FAM149A: variants seen among roughly 807,000 people sequenced by gnomAD.
FAM149A encodes the protein family with sequence similarity 149 member A.
Under a neutral mutation model 78.2 loss-of-function variants are expected in FAM149A, and 71 were observed. The ratio of observed to expected loss-of-function variants is 0.91; its 90% CI spans 0.75 to 1.11. The LOEUF is 1.11. Among genes scored for constraint, FAM149A ranks in the 50% least tolerant of loss-of-function variants. FAM149A has a pLI of 0.00. For missense variants in FAM149A, 1,036 were observed against 971.0 expected, an observed-to-expected ratio of 1.07 and a Z score of -0.89; for synonymous variants, 446 against 410.5, an observed-to-expected ratio of 1.09 and a Z score of -1.04.
At chr4:186,143,397 T>C (rs1732686599) in intron 1 of FAM149A, among the ~76,000 whole-genome samples, 1 of 38,906 alleles carries the variant, frequency 2.6e-5, no homozygotes. Flanking sequence ...CTGATAGATA[T>C]GTATACACAT....
Position 186,157,713 on chromosome 4 carries a change from GC to G in FAM149A, c.1573del (p.Gln525ArgfsTer13). Reference sequence around the variant, plus strand: ...TCTCCCTGGCTTCTCGTCTGAACCCGCCCCAGGTCGGTGCTTTCACACCCTT... The same window carrying G: ...TCTCCCTGGCTTCTCGTCTGAACCCGCCCAGGTCGGTGCTTTCACACCCTT... On this transcript the variant is annotated frameshift_variant, in exon 8 of 14. Coordinates refer to ENST00000389354, the MANE Select transcript of FAM149A (RefSeq NM_001367768.3). LOFTEE classifies it high-confidence loss of function. The G allele has an allele frequency of 6.2e-7, 1 of 1,606,698 alleles. No homozygotes were observed. Among genetic ancestry groups the G allele is most frequent in the East Asian group, 2.2e-5 (1 of 44,782 alleles).
intron 1 of FAM149A, 51 bp from the exon 2 acceptor site, chr4:186,149,122 A>G: frequency 8.1e-7 from 1 of 1,235,932 alleles, no homozygotes; most frequent in Non-Finnish European, 1.0e-6. Context: ...TTAATGAATA[A>G]AACTATATTA....
intron 7 of FAM149A, among the ~76,000 whole-genome samples, chr4:186,157,351 C>T (rs1285271392): frequency 6.6e-6 from 1 of 152,108 alleles, no homozygotes; most frequent in Non-Finnish European, 1.5e-5. Flanking sequence ...TCTGTATTGC[C>T]CACTGTGTGA....
chr4:186,164,187 T>C lies in FAM149A; in HGVS notation c.1889+554T>C, dbSNP rs1249149138. The stretch of plus-strand genomic sequence containing the variant: ...CTTACATTGATAATAATAGCTAATG[T>C]TTATTGATCACTTTCTTTGTTATCA... On this transcript the variant is annotated intron_variant, in intron 10 of 13. Transcript: ENST00000389354. This position sits in a 1 kb window ranked among gnomAD's most constrained non-coding sequence, Gnocchi z 4.0. Among the ~76,000 whole-genome samples the C allele has an allele frequency of 6.6e-6, 1 of 152,200 alleles. No individual in the cohort carries two copies. The highest frequency in any genetic ancestry group is 2.4e-5 in the African/African-American group (1 of 41,452).
intron 3 of FAM149A, among the ~76,000 whole-genome samples, chr4:186,150,284 C>G (rs886225697): frequency 2.6e-5 from 4 of 151,964 alleles, no homozygotes; most frequent in African/African-American, 7.2e-5. Flanking sequence ...GATCCCAGGA[C>G]ACAGCCCTCC....
chr4:186,151,834 T>A, intron 3 of FAM149A, 69 bp from the exon 4 acceptor site: 1 of 1,569,642 alleles, frequency 6.4e-7, no homozygotes, highest in Non-Finnish European at 8.6e-7. Flanking sequence ...AATGTATAAG[T>A]AGCGTTGATC....
At chr4:186,165,980 A>G (rs978723699) in intron 11 of FAM149A, among the ~76,000 whole-genome samples, 6 of 152,214 alleles carry the variant, frequency 3.9e-5, no homozygotes, top group African/African-American at 9.6e-5. Flanking sequence ...GACCCTGGTC[A>G]TTTCTATCGG....
In FAM149A at chr4:186,152,037, C is replaced by T. The variant is rs377176675; in HGVS notation, c.924C>T (p.Leu308=). 14 of 1,613,608 alleles carry T rather than the reference C, an allele frequency of 8.7e-6. No homozygotes were observed. The African/African-American group carries it at 1.6e-4, about 18-fold the overall frequency. ...GCGGGGAGTGGACAAGAAGATCCCTCCATTTGAGGTGGGACCTTGGTGGTG... is the reference window on the plus strand; with the variant it reads ...GCGGGGAGTGGACAAGAAGATCCCTTCATTTGAGGTGGGACCTTGGTGGTG... The change falls in exon 4 of 14, where the codon CTC becomes CTT. Residue 308 remains leucine (L), a synonymous_variant. Coordinates refer to ENST00000389354, the MANE Select transcript of FAM149A (RefSeq NM_001367768.3).
Position 186,105,340 on chromosome 4 carries a change from G to C in FAM149A, c.264G>C (p.Ala88=), listed in dbSNP as rs753981572. Residue 88 remains alanine, a synonymous_variant, in exon 1 of 14, where the codon GCG becomes GCC. Transcript: ENST00000389354. ...GGGGCTCCGCCGCCAGCCGCGCCGC[G>C]GGAGCAGTGGGGACCCTGCTCTCTT... 23 of 1,171,480 alleles carry C rather than the reference G, an allele frequency of 2.0e-5. No homozygotes were observed. In the East Asian group the frequency reaches 1.2e-3, roughly 62 times the overall value. The allele number at this position is 1,171,480 out of a possible 1,614,324, so 72.6% of individuals were successfully genotyped here.
intron 1 of FAM149A, among the ~76,000 whole-genome samples, chr4:186,120,299 C>A (rs2099315414): frequency 6.6e-6 from 1 of 152,146 alleles, no homozygotes; most frequent in Admixed American, 6.5e-5. Flanking sequence ...TTGTCTAATT[C>A]CACCTAGCTG....
intron 9 of FAM149A, 97 bp downstream of exon 9, chr4:186,163,045 C>G (rs1734738258): frequency 2.7e-6 from 2 of 748,388 alleles, no homozygotes; most frequent in Admixed American, 2.3e-5. Flanking sequence ...CACGAAGGTC[C>G]CATTTAATCC....
chr4:186,170,044 C>T (rs956286981), intron 13 of FAM149A: 10 of 650,272 alleles, frequency 1.5e-5, no homozygotes, highest in Non-Finnish European at 1.7e-5. Flanking sequence ...TATGTCCAGG[C>T]CCCCTCAGGA....
Position 186,154,542 on chromosome 4 carries a change from G to T in FAM149A, c.1133G>T (p.Gly378Val), listed in dbSNP as rs775087213. Reference sequence around the variant, plus strand: ...GCCCTGCCAGGCCCTGATGACACAGGGGTTGCTGACCTAACGGCACGTTCA... The same window carrying T: ...GCCCTGCCAGGCCCTGATGACACAGTGGTTGCTGACCTAACGGCACGTTCA... The change falls in exon 6 of 14, where the codon GGG (glycine) becomes GTG (valine). Residue 378 changes from glycine to valine, a missense_variant. Gly to Val is a moderately radical substitution (Grantham distance 109). Around this residue, in one of 3 missense-constraint regions of FAM149A, gnomAD observed 716 missense variants for 711.8 expected, o/e 1.01. Transcript: ENST00000389354. 13 of 1,614,108 alleles carry T rather than the reference G, an allele frequency of 8.1e-6. No individual in the cohort carries two copies. In the South Asian group the frequency reaches 1.3e-4, roughly 16 times the overall value.
rs548084206 is a variant in FAM149A at position 186,132,037 on chromosome 4, G to A, written c.567-17136G>A. 11 of 985,360 alleles carry A rather than the reference G, an allele frequency of 1.1e-5. No individual in the cohort carries two copies. The African/African-American group carries it at 1.9e-4, about 17-fold the overall frequency. 61.0% of individuals were successfully genotyped at this position (985,360 alleles called of 1,614,324 possible). Reference sequence around the variant, plus strand: ...TTTCTTATTATCTCCATAAAAGATTGGAACACAAAACACAAAATAGCTCCA... The same window carrying A: ...TTTCTTATTATCTCCATAAAAGATTAGAACACAAAACACAAAATAGCTCCA... On this transcript the variant is annotated intron_variant, in intron 1 of 13. Transcript: ENST00000389354.
chr4:186,147,874 A>G (rs1414849345), intron 1 of FAM149A, among the ~76,000 whole-genome samples: 1 of 152,194 alleles, frequency 6.6e-6, no homozygotes, highest in Admixed American at 6.5e-5. Context: ...TTTCTTTAAC[A>G]TCTTTATCCT....
chr4:186,109,619 C>G, intron 1 of FAM149A: 2 of 984,736 alleles, frequency 2.0e-6, no homozygotes, highest in Non-Finnish European at 2.4e-6. Flanking sequence ...CATAGAAGTG[C>G]TCCAGAAATT....
intron 1 of FAM149A, chr4:186,124,049 C>A (rs1327898862): frequency 1.1e-6 from 1 of 947,208 alleles, no homozygotes; most frequent in East Asian, 1.4e-4. Flanking sequence ...TAGTGGGTGG[C>A]CACTTTGTTT....
chr4:186,113,238 G>T (rs1427002897), intron 1 of FAM149A, among the ~76,000 whole-genome samples: 2 of 64,754 alleles, frequency 3.1e-5, no homozygotes, highest in Non-Finnish European at 3.2e-5. Context: ...GGGATCAGTG[G>T]TGATATCCCC....
chr4:186,149,000 GT>G (rs1256432189), intron 1 of FAM149A, among the ~76,000 whole-genome samples, 172 bp from the exon 2 acceptor site: 4 of 29,046 alleles, frequency 1.4e-4, no homozygotes, highest in Non-Finnish European at 1.9e-4. Context: ...TCAGGATGGG[GT>G]GTGTGTGTGT....
Sources: allele counts gnomAD v4.1 joint callset (sites outside exome capture counted in the v4.1 genomes callset), GRCh38; gene constraint gnomAD v4.1.1; regional missense constraint gnomAD v4.1.1; non-coding constraint Gnocchi (gnomAD v3.1); transcripts MANE v1.5; gene names NCBI Gene and HGNC (gene_info 2026-07-23, HGNC 2026-07-21).